HS6ST3: variants seen among roughly 807,000 people sequenced by gnomAD.
HS6ST3 encodes the protein heparan-sulfate 6-O-sulfotransferase 3.
In HS6ST3, 12 loss-of-function variants were observed where a neutral mutation model predicts 36.7. The ratio of observed to expected loss-of-function variants is 0.33; its 90% CI spans 0.21 to 0.53. The LOEUF (loss-of-function observed/expected upper bound fraction) is 0.53. Ranked by LOEUF, HS6ST3 falls within the 20% of genes least tolerant of loss-of-function variation. The probability of loss-of-function intolerance (pLI) is 0.95; values close to 1 mark genes in which losing one functional copy is unlikely to be tolerated. For missense variants in HS6ST3, 584 were observed against 640.9 expected (o/e 0.91, Z 0.96); for synonymous variants, 240 against 257.5 (o/e 0.93, Z 0.65).
At chr13:96,382,305 C>G (rs1451303378) in intron 1 of HS6ST3, among the ~76,000 whole-genome samples, 1 of 152,124 alleles carries the variant, frequency 6.6e-6, no homozygotes, top group East Asian at 1.9e-4. Flanking sequence ...AATTTACTTT[C>G]ATTTCATTGC....
chr13:96,461,367 GT>G (rs1292657208), intron 1 of HS6ST3, among the ~76,000 whole-genome samples: 1 of 152,130 alleles, frequency 6.6e-6, no homozygotes, highest in Non-Finnish European at 1.5e-5. Flanking sequence ...TAATGCAATT[GT>G]AGTATTCATT....
At chr13:96,510,728 T>A (rs994985093) in intron 1 of HS6ST3, among the ~76,000 whole-genome samples, 3 of 152,174 alleles carry the variant, frequency 2.0e-5, no homozygotes, top group Non-Finnish European at 4.4e-5. Flanking sequence ...ACATTATTAA[T>A]GTTATTATTA....
chr13:96,771,793 C>A (rs558952811), intron 1 of HS6ST3, among the ~76,000 whole-genome samples: 2 of 152,124 alleles, frequency 1.3e-5, no homozygotes, highest in African/African-American at 4.8e-5. Flanking sequence ...ATACATTAGG[C>A]ATCAACCTGA....
intron 1 of HS6ST3, among the ~76,000 whole-genome samples, chr13:96,269,445 T>C (rs996662914): frequency 5.9e-5 from 9 of 151,990 alleles, no homozygotes; most frequent in African/African-American, 2.2e-4. Flanking sequence ...GCTTTGTGCG[T>C]ACTACAACTA....
At position 96,835,814 on chromosome 13, in the gene HS6ST3, C is replaced by T. The variant is rs1227496849; in HGVS notation, c.*2616C>T. ...CCTCGGGATTGGTATCAAAGGCTTCCACTGCCTTCTGCTGAAGGCATGATG... is the reference window on the plus strand; with the variant it reads ...CCTCGGGATTGGTATCAAAGGCTTCTACTGCCTTCTGCTGAAGGCATGATG... On this transcript the variant is annotated 3_prime_UTR_variant, in exon 2 of 2. Coordinates refer to ENST00000376705, the MANE Select transcript of HS6ST3 (RefSeq NM_153456.4). 1 of 152,224 alleles carries T rather than the reference C, an allele frequency of 6.6e-6. No homozygotes were observed. The highest frequency in any genetic ancestry group is 1.5e-5 in the Non-Finnish European group (1 of 68,048). The allele number at this position is 152,224 out of a possible 1,614,324, so 9.4% of individuals were successfully genotyped here.
chr13:96,385,162 A>G (rs975075095), intron 1 of HS6ST3, among the ~76,000 whole-genome samples: 7 of 147,434 alleles, frequency 4.7e-5, no homozygotes, highest in African/African-American at 1.7e-4. Context: ...CTGGGCAACA[A>G]GAGCAGAACT....
intron 1 of HS6ST3, among the ~76,000 whole-genome samples, chr13:96,745,971 T>A (rs747147753): frequency 6.6e-6 from 1 of 152,020 alleles, no homozygotes; most frequent in Non-Finnish European, 1.5e-5. Flanking sequence ...CAGTTTCTGA[T>A]TGGTTTTTCT....
rs537980500 is a variant in HS6ST3 at position 96,408,093 on chromosome 13, C to T, written c.707+316524C>T. Among the ~76,000 whole-genome samples, 4 of 152,250 alleles carry T rather than the reference C, an allele frequency of 2.6e-5. No individual in the cohort carries two copies. The South Asian group carries it at 6.2e-4, about 24-fold the overall frequency. The stretch of plus-strand genomic sequence containing the variant: ...TAGCTGGGACTATATGTGTGCACCA[C>T]CATGCCCAGCTAATTTTTGCATTTT... On this transcript the variant is annotated intron_variant, in intron 1 of 1. Transcript: ENST00000376705.
At chr13:96,130,257 T>C (rs2053969425) in intron 1 of HS6ST3, among the ~76,000 whole-genome samples, 1 of 152,180 alleles carries the variant, frequency 6.6e-6, no homozygotes, top group Admixed American at 6.5e-5. Context: ...GGCTTTGCTT[T>C]GGTTGAAAGG....
chr13:96,603,805 C>T (rs1367182484), intron 1 of HS6ST3, among the ~76,000 whole-genome samples: 2 of 152,128 alleles, frequency 1.3e-5, no homozygotes, highest in Admixed American at 1.3e-4. Flanking sequence ...TTAATGTATG[C>T]TTGGCATACT....
intron 1 of HS6ST3, among the ~76,000 whole-genome samples, chr13:96,782,764 C>T (rs1238721310): frequency 6.6e-6 from 1 of 152,048 alleles, no homozygotes; most frequent in Non-Finnish European, 1.5e-5. Flanking sequence ...GGAGGAGAAC[C>T]TTTCTGCCCA....
intron 1 of HS6ST3, among the ~76,000 whole-genome samples, chr13:96,658,251 C>T (rs1180333143): frequency 1.8e-5 from 2 of 111,110 alleles, no homozygotes; most frequent in East Asian, 5.9e-4. Context: ...TCTTCTTCTT[C>T]TTCTTCTCTT....
intron 1 of HS6ST3, among the ~76,000 whole-genome samples, chr13:96,207,690 G>A (rs2054377972): frequency 6.6e-6 from 1 of 152,114 alleles, no homozygotes; most frequent in African/African-American, 2.4e-5. Context: ...GACATGGATG[G>A]AATTGGAAGC....
intron 1 of HS6ST3, among the ~76,000 whole-genome samples, chr13:96,136,330 C>T (rs1037347446): frequency 6.6e-6 from 1 of 152,174 alleles, no homozygotes. Context: ...CTTCCACGGG[C>T]TATATGGAAG....
intron 1 of HS6ST3, among the ~76,000 whole-genome samples, chr13:96,689,656 G>A (rs1394306463): frequency 8.7e-6 from 1 of 114,872 alleles, no homozygotes. Context: ...ATGAAAATAA[G>A]AATACCTGCT....
chr13:96,394,629 T>C (rs147972284), intron 1 of HS6ST3, among the ~76,000 whole-genome samples: 18 of 152,328 alleles, frequency 1.2e-4, no homozygotes, highest in Non-Finnish European at 2.4e-4. Context: ...ATAATCCTCA[T>C]TGTGCAGAAC....
chr13:96,534,464 G>A (rs1287248947), intron 1 of HS6ST3, among the ~76,000 whole-genome samples: 2 of 152,116 alleles, frequency 1.3e-5, no homozygotes, highest in African/African-American at 4.8e-5. Flanking sequence ...CATCCCGTGT[G>A]GTTGTTAGGG....
intron 1 of HS6ST3, among the ~76,000 whole-genome samples, chr13:96,279,930 C>T (rs1333661681): frequency 6.6e-6 from 1 of 152,150 alleles, no homozygotes; most frequent in Non-Finnish European, 1.5e-5. Flanking sequence ...AATATTTTTA[C>T]AAGATATCTA....
At chr13:96,122,672 A>G (rs1277293621) in intron 1 of HS6ST3, among the ~76,000 whole-genome samples, 2 of 152,214 alleles carry the variant, frequency 1.3e-5, no homozygotes, top group East Asian at 1.9e-4. Context: ...ATAGTATACA[A>G]GTGGGGTGAC....
Sources: allele counts gnomAD v4.1 joint callset (sites outside exome capture counted in the v4.1 genomes callset), GRCh38; gene constraint gnomAD v4.1.1; transcripts MANE v1.5; gene names NCBI Gene and HGNC (gene_info 2026-07-23, HGNC 2026-07-21).